The following G3BP2 variants were observed in gnomAD, a reference collection of about 807,000 sequenced individuals.
G3BP2 encodes the protein ras GTPase-activating protein-binding protein 2.
Under a neutral mutation model 56.7 loss-of-function variants are expected in G3BP2, and 11 were observed. The observed-to-expected ratio is 0.19, with a 90% CI of 0.12 to 0.32. G3BP2 has a LOEUF of 0.32. G3BP2 is among the 10% of genes least tolerant of loss of function. The pLI, the probability that G3BP2 is intolerant of heterozygous loss-of-function variation, is 1.00. For synonymous variants in G3BP2, 165 were observed against 191.6 expected, an observed-to-expected ratio of 0.86 and a Z score of 1.15; for missense variants, 340 against 610.9, an observed-to-expected ratio of 0.56 and a Z score of 4.67.
rs555114499 is a variant in G3BP2 at position 75,657,406 on chromosome 4, T to C, written c.351+151A>G. 3 of 569,342 alleles carry C rather than the reference T, an allele frequency of 5.3e-6. No individual in the cohort carries two copies. The East Asian group carries it at 8.8e-5, about 17-fold the overall frequency. 35.3% of individuals were successfully genotyped at this position (569,342 alleles called of 1,614,324 possible). On this transcript the variant is annotated intron_variant, in intron 4 of 11. Transcript: ENST00000359707. ...TTTAATTCCAAATAGTCAAAGCACA[T>C]GTACACACACGCACTCACTCAAACA...
chr4:75,698,510 G>C (rs1448111518), intron 3 of G3BP2, among the ~76,000 whole-genome samples: 1 of 152,096 alleles, frequency 6.6e-6, no homozygotes, highest in African/African-American at 2.4e-5. Context: ...CAGTGGGCTG[G>C]AAGGGGTCCC....
intron 3 of G3BP2, among the ~76,000 whole-genome samples, chr4:75,679,118 G>A (rs545207865): frequency 6.6e-6 from 1 of 152,330 alleles, no homozygotes; most frequent in South Asian, 2.1e-4. Flanking sequence ...TTTAGAAAGA[G>A]AGCCCAGAGT....
At chr4:75,691,614 T>C (rs1718860862) in intron 3 of G3BP2, among the ~76,000 whole-genome samples, 1 of 152,210 alleles carries the variant, frequency 6.6e-6, no homozygotes, top group Admixed American at 6.5e-5. Context: ...ACTCACTGCT[T>C]ACCTTCTCTG....
chr4:75,666,320 A>G (rs1300626589), intron 1 of G3BP2, among the ~76,000 whole-genome samples: 2 of 152,244 alleles, frequency 1.3e-5, no homozygotes, highest in Non-Finnish European at 2.9e-5. Context: ...AGTTAACTTC[A>G]AATGGTAAAT....
At chr4:75,651,205 A>G (rs966031719) in intron 8 of G3BP2, among the ~76,000 whole-genome samples, 3 of 152,252 alleles carry the variant, frequency 2.0e-5, no homozygotes. Context: ...AAAGTTTAAT[A>G]AAGTGAGTGT....
intron 2 of G3BP2, among the ~76,000 whole-genome samples, chr4:75,721,321 T>C (rs907016503): frequency 4.0e-5 from 6 of 150,438 alleles, no homozygotes; most frequent in Admixed American, 1.3e-4. Flanking sequence ...CAATCATGGC[T>C]CAATGCAGCC....
chr4:75,690,583 G>A (rs1039268592), intron 3 of G3BP2, among the ~76,000 whole-genome samples: 1 of 152,082 alleles, frequency 6.6e-6, no homozygotes, highest in Non-Finnish European at 1.5e-5. Flanking sequence ...TTTCTGAAGT[G>A]ACAAAAGTGT....
intron 1 of G3BP2, chr4:75,662,562 AAATT>A (rs1732651287): frequency 6.6e-6 from 1 of 152,318 alleles, no homozygotes; most frequent in African/African-American, 2.4e-5. Context: ...AATGGGAACA[AAATT>A]AATGCCACTA....
At chr4:75,674,718 A>ATATATATATTTTTTT (rs1241041465), upstream of G3BP2, among the ~76,000 whole-genome samples, 1 of 71,430 alleles carries the variant, frequency 1.4e-5, no homozygotes, top group African/African-American at 5.9e-5. Flanking sequence ...ATATATATAT[A>ATATATATATTTTTTT]TTTTTTTTTT....
At chr4:75,707,816 C>T (rs1406900272) in intron 3 of G3BP2, among the ~76,000 whole-genome samples, 1 of 152,004 alleles carries the variant, frequency 6.6e-6, no homozygotes, top group Non-Finnish European at 1.5e-5. Context: ...ACTGGATTTA[C>T]TGAAAGCAGA....
intron 3 of G3BP2, among the ~76,000 whole-genome samples, chr4:75,712,902 T>C (rs1048305140): frequency 1.3e-5 from 2 of 152,032 alleles, no homozygotes; most frequent in Non-Finnish European, 2.9e-5. Flanking sequence ...TAAGAGAATA[T>C]AGAATTTCTA....
At chr4:75,673,048 A>T (rs1156738284) in intron 1 of G3BP2, 160 bp downstream of exon 1, 40 of 996,834 alleles carry the variant, frequency 4.0e-5, no homozygotes, top group South Asian at 4.7e-5. Flanking sequence ...TCTCTCACGC[A>T]CACACGGCAC....
intron 1 of G3BP2, 174 bp from the exon 2 acceptor site, chr4:75,662,223 T>A (rs1008390442): frequency 2.7e-5 from 2 of 74,130 alleles, no homozygotes; most frequent in East Asian, 9.0e-4. Context: ...CTGAAATAAT[T>A]TTTTTTTTTT....
chr4:75,654,203 C>A, intron 7 of G3BP2, 122 bp from the exon 8 acceptor site: 2 of 557,574 alleles, frequency 3.6e-6, no homozygotes, highest in South Asian at 2.3e-5. Flanking sequence ...TTGGAAGACT[C>A]CTAAAAGAAA....
In G3BP2 at chr4:75,680,260, A is replaced by G. The variant is rs191870115; in HGVS notation, c.-24-18211T>C. On this transcript the variant is annotated intron_variant, in intron 3 of 3. Coordinates refer to the G3BP2 transcript ENST00000499709. ...TAATATAAAAGAGTGTGTCAGAGAC[A>G]GATTTCCTTCTGAGGGGGGATAGGA... Among the ~76,000 whole-genome samples the G allele has an allele frequency of 2.6e-4, 40 of 152,178 alleles. 1 individual carries two copies. In the East Asian group the frequency reaches 4.6e-3, roughly 18 times the overall value.
At chr4:75,652,188 A>C (rs1731745203) in intron 8 of G3BP2, among the ~76,000 whole-genome samples, 1 of 152,250 alleles carries the variant, frequency 6.6e-6, no homozygotes, top group Non-Finnish European at 1.5e-5. Context: ...AATATATTTA[A>C]GGCAAACTAC....
chr4:75,667,272 G>C (rs1036713975), intron 1 of G3BP2, among the ~76,000 whole-genome samples: 1 of 138,002 alleles, frequency 7.2e-6, no homozygotes, highest in Non-Finnish European at 1.5e-5. Context: ...CTGGGTAACA[G>C]GAGTGAGACA....
intron 1 of G3BP2, chr4:75,723,909 A>AC (rs1457623423): frequency 6.6e-6 from 1 of 152,038 alleles, no homozygotes; most frequent in African/African-American, 2.4e-5. Flanking sequence ...TAAAAAAAAA[A>AC]AAACTGAAAA....
At chr4:75,661,021 T>C (rs534318325) in intron 2 of G3BP2, among the ~76,000 whole-genome samples, 57 of 152,314 alleles carry the variant, frequency 3.7e-4, no homozygotes, top group African/African-American at 1.3e-3. Flanking sequence ...ATTTTCACAG[T>C]ATAATCATTT....
Sources: allele counts gnomAD v4.1 joint callset (sites outside exome capture counted in the v4.1 genomes callset), GRCh38; gene constraint gnomAD v4.1.1; transcripts MANE v1.5; gene names NCBI Gene and HGNC (gene_info 2026-07-23, HGNC 2026-07-21).